The following NLGN1 variants were observed in gnomAD, a reference collection of about 807,000 sequenced individuals.
The protein encoded by NLGN1 is neuroligin-1.
A neutral mutation model predicts 65.5 loss-of-function variants in NLGN1; 12 were observed. That is an observed-to-expected ratio of 0.18 (90% CI 0.12 to 0.30). The LOEUF (loss-of-function observed/expected upper bound fraction) is 0.30, where lower values mean the gene tolerates loss of function less well. Among genes scored for constraint, NLGN1 ranks in the 10% least tolerant of loss-of-function variants. The pLI is 1.00. For missense variants in NLGN1, 750 were observed against 1,007.1 expected (o/e 0.74, Z 3.46); for synonymous variants, 350 against 359.5 (o/e 0.97, Z 0.30).
At chr3:173,435,333 A>T (rs1717922207) in intron 2 of NLGN1, among the ~76,000 whole-genome samples, 1 of 152,140 alleles carries the variant, frequency 6.6e-6, no homozygotes, top group Non-Finnish European at 1.5e-5. Context: ...CTACCCCCAT[A>T]ACCTGCCATA....
chr3:173,492,131 A>T (rs1729275014), intron 2 of NLGN1, among the ~76,000 whole-genome samples: 1 of 151,996 alleles, frequency 6.6e-6, no homozygotes, highest in Admixed American at 6.6e-5. Flanking sequence ...TCTTTACATA[A>T]AATGGTGAAA....
intron 4 of NLGN1, among the ~76,000 whole-genome samples, chr3:173,889,169 G>A (rs999081584): frequency 1.3e-5 from 2 of 152,096 alleles, no homozygotes; most frequent in Admixed American, 6.6e-5. Flanking sequence ...CAGCATGAAA[G>A]TGGGCCATGA....
intron 4 of NLGN1, among the ~76,000 whole-genome samples, chr3:174,014,771 C>CT (rs1324352804): frequency 6.6e-6 from 1 of 152,096 alleles, no homozygotes; most frequent in Non-Finnish European, 1.5e-5. Flanking sequence ...CTTCTGTTTG[C>CT]TTATCTGTAA....
chr3:173,913,089 G>A (rs1034274749), intron 4 of NLGN1, among the ~76,000 whole-genome samples: 2 of 152,152 alleles, frequency 1.3e-5, no homozygotes, highest in African/African-American at 4.8e-5. Flanking sequence ...GGAGGCAGAG[G>A]CAAAGTTAAC....
intron 4 of NLGN1, among the ~76,000 whole-genome samples, chr3:174,215,579 G>A (rs769045296): frequency 5.9e-5 from 9 of 152,238 alleles, no homozygotes; most frequent in Non-Finnish European, 8.8e-5. Context: ...TGTTTCAGGC[G>A]GAGAGAAGAT....
In NLGN1 at chr3:174,279,899, T is replaced by C. The variant is rs116665336; in HGVS notation, c.1649+249T>C. 9.7e-4 allele frequency among the ~76,000 whole-genome samples: 148 copies of C among 152,082 alleles called. 1 individual carries two copies. Among genetic ancestry groups the C allele is most frequent in the African/African-American group, 3.4e-3 (140 of 41,536 alleles). On this transcript the variant is annotated intron_variant, in intron 6 of 6. Coordinates refer to ENST00000457714, the Ensembl canonical transcript of NLGN1. The surrounding 1 kb of genome is among the most constrained non-coding windows in gnomAD (Gnocchi z 4.7). ...ATTACTTAATTACATCTGCTTTTGG[T>C]TTTTGAATTATACAAGACTTGTTAT...
At chr3:173,741,956 C>T (rs892667316) in intron 3 of NLGN1, among the ~76,000 whole-genome samples, 5 of 152,114 alleles carry the variant, frequency 3.3e-5, no homozygotes, top group African/African-American at 1.2e-4. Context: ...GGAAGCTGGC[C>T]TTCCCACCCC....
intron 4 of NLGN1, among the ~76,000 whole-genome samples, chr3:174,106,418 A>G (rs1445652420): frequency 6.6e-6 from 1 of 152,094 alleles, no homozygotes; most frequent in African/African-American, 2.4e-5. Context: ...CCAACCACCC[A>G]TGGTCAGGCT....
intron 2 of NLGN1, among the ~76,000 whole-genome samples, chr3:173,448,909 TC>T: frequency 6.6e-6 from 1 of 152,334 alleles, no homozygotes; most frequent in South Asian, 2.1e-4. Flanking sequence ...AGTGGTGACA[TC>T]CCCTTTTTCA....
intron 4 of NLGN1, among the ~76,000 whole-genome samples, chr3:174,157,163 T>A (rs1725594828): frequency 6.6e-6 from 1 of 151,652 alleles, no homozygotes; most frequent in Non-Finnish European, 1.5e-5. Context: ...AACGGATGTT[T>A]CAGTGCAAAG....
chr3:174,096,877 C>T (rs1013413810), intron 4 of NLGN1, among the ~76,000 whole-genome samples: 9 of 151,898 alleles, frequency 5.9e-5, no homozygotes, highest in African/African-American at 1.9e-4. Context: ...CATAAGTGAC[C>T]TCAGAAGACA....
intron 4 of NLGN1, among the ~76,000 whole-genome samples, chr3:174,224,693 G>A (rs565209280): frequency 1.3e-5 from 2 of 151,950 alleles, no homozygotes; most frequent in South Asian, 2.1e-4. Flanking sequence ...AGTGAGACTC[G>A]GTCTCAAAAA....
At chr3:174,264,097 C>G (rs1338249576) in intron 4 of NLGN1, among the ~76,000 whole-genome samples, 19 of 144,912 alleles carry the variant, frequency 1.3e-4, no homozygotes, top group African/African-American at 4.9e-4. Flanking sequence ...CCCGACCTTT[C>G]TCTCTGGCTG....
Position 173,725,881 on chromosome 3 carries a change from C to T in NLGN1, c.494-81799C>T, listed in dbSNP as rs112492199. Among the ~76,000 whole-genome samples, 102 of 152,184 alleles carry T rather than the reference C, an allele frequency of 6.7e-4. 1 individual carries two copies. The highest frequency in any genetic ancestry group is 3.4e-3 in the Middle Eastern group (1 of 294). ...GTCTTACTGGCTGTTGGCTGGAAGTCACTCTTACCTCCTAGATGCTGCCGC... is the reference window on the plus strand; with the variant it reads ...GTCTTACTGGCTGTTGGCTGGAAGTTACTCTTACCTCCTAGATGCTGCCGC... On this transcript the variant is annotated intron_variant, in intron 3 of 6. Coordinates refer to ENST00000457714, the Ensembl canonical transcript of NLGN1.
intron 4 of NLGN1, among the ~76,000 whole-genome samples, chr3:173,907,562 A>C (rs916573559): frequency 6.8e-6 from 1 of 146,404 alleles, no homozygotes; most frequent in African/African-American, 2.5e-5. Context: ...CGTATCTTAG[A>C]TGGCTTTATC....
At chr3:174,226,242 G>C (rs1739668733) in intron 4 of NLGN1, among the ~76,000 whole-genome samples, 1 of 152,024 alleles carries the variant, frequency 6.6e-6, no homozygotes, top group South Asian at 2.1e-4. Flanking sequence ...TCTAATTGAA[G>C]GCATATGATA....
intron 3 of NLGN1, among the ~76,000 whole-genome samples, chr3:173,685,165 C>T (rs1020390036): frequency 7.2e-5 from 11 of 151,986 alleles, no homozygotes; most frequent in East Asian, 3.9e-4. Flanking sequence ...TACAGGATGC[C>T]GAGTAGTTGC....
At chr3:173,963,038 A>G (rs1012628758) in intron 4 of NLGN1, among the ~76,000 whole-genome samples, 1 of 152,170 alleles carries the variant, frequency 6.6e-6, no homozygotes, top group Non-Finnish European at 1.5e-5. Flanking sequence ...TACTAGTAAT[A>G]AAAATAATAA....
At chr3:174,194,185 G>A (rs536108693) in intron 4 of NLGN1, among the ~76,000 whole-genome samples, 20 of 152,080 alleles carry the variant, frequency 1.3e-4, no homozygotes, top group South Asian at 8.3e-4. Context: ...CTGGCCAGGC[G>A]CGGTGGCTCA....
Sources: gnomAD v4.1 joint callset for allele counts (sites outside exome capture counted in the v4.1 genomes callset) on GRCh38, gnomAD v4.1.1 for gene constraint, Gnocchi (gnomAD v3.1) non-coding constraint, MANE v1.5 for transcripts, NCBI Gene and HGNC (gene_info 2026-07-23, HGNC 2026-07-21) for gene names.